Variants in XIRP2 observed in about 807,000 individuals in gnomAD.
The protein encoded by XIRP2 is xin actin-binding repeat-containing protein 2.
XIRP2 carries 236 observed loss-of-function variants against 277.0 expected under a neutral mutation model. The ratio of observed to expected loss-of-function variants is 0.85; its 90% CI spans 0.77 to 0.95. XIRP2 has a LOEUF of 0.95. XIRP2 is among the 40% of genes least tolerant of loss of function. The probability of loss-of-function intolerance (pLI) is 0.00; values close to 1 mark genes in which losing one functional copy is unlikely to be tolerated. For missense variants in XIRP2, 4,640 were observed against 4,157.5 expected (o/e 1.12, Z -3.19); for synonymous variants, 1,490 against 1,416.5 (o/e 1.05, Z -1.17).
intron 2 of XIRP2, among the ~76,000 whole-genome samples, chr2:167,029,268 G>A (rs570838226): frequency 1.2e-4 from 19 of 152,154 alleles, no homozygotes; most frequent in African/African-American, 4.1e-4. Flanking sequence ...GTGAGAGAGG[G>A]CATCCTTGTC....
intron 2 of XIRP2, among the ~76,000 whole-genome samples, chr2:166,958,502 C>G (rs552494537): frequency 4.0e-5 from 6 of 151,744 alleles, no homozygotes; most frequent in African/African-American, 1.4e-4. Context: ...GCCCTAGTAC[C>G]CACATTCCAA....
chr2:167,096,835 T>A (rs950577124), intron 2 of XIRP2, among the ~76,000 whole-genome samples: 1 of 152,168 alleles, frequency 6.6e-6, no homozygotes, highest in Non-Finnish European at 1.5e-5. Context: ...GTTGTTGAGT[T>A]TCCATGTAGT....
chr2:167,050,977 C>G (rs1688899072), intron 2 of XIRP2, among the ~76,000 whole-genome samples: 1 of 151,952 alleles, frequency 6.6e-6, no homozygotes, highest in South Asian at 2.1e-4. Flanking sequence ...AAGCTTTTAC[C>G]TGGACTAAAT....
intron 3 of XIRP2, among the ~76,000 whole-genome samples, chr2:167,170,836 T>C (rs976927493): frequency 5.3e-5 from 8 of 151,906 alleles, no homozygotes; most frequent in African/African-American, 1.9e-4. Flanking sequence ...TTGCTTTCAC[T>C]TTATTTTACT....
chr2:166,920,616 C>A (rs1685012001), intron 2 of XIRP2, among the ~76,000 whole-genome samples: 2 of 152,078 alleles, frequency 1.3e-5, no homozygotes, highest in Admixed American at 1.3e-4. Context: ...CTTACAGGTA[C>A]ATAAAATACT....
chr2:167,008,942 A>C (rs1297856585), intron 2 of XIRP2, among the ~76,000 whole-genome samples: 1 of 151,496 alleles, frequency 6.6e-6, no homozygotes, highest in African/African-American at 2.4e-5. Flanking sequence ...ATTTTATTCA[A>C]TTTTTCAAAT....
At chr2:166,978,313 G>C (rs1018049101) in intron 2 of XIRP2, among the ~76,000 whole-genome samples, 1 of 152,100 alleles carries the variant, frequency 6.6e-6, no homozygotes, top group Non-Finnish European at 1.5e-5. Context: ...GCATTATAAA[G>C]CCTCAGACAT....
At chr2:167,104,845 C>T (rs575897701) in intron 2 of XIRP2, among the ~76,000 whole-genome samples, 23 of 152,086 alleles carry the variant, frequency 1.5e-4, no homozygotes, top group Admixed American at 1.0e-3. Context: ...CTTGATTATT[C>T]ACAATATCTG....
chr2:167,093,202 A>C (rs1480689686), intron 2 of XIRP2, among the ~76,000 whole-genome samples: 2 of 151,838 alleles, frequency 1.3e-5, no homozygotes, highest in African/African-American at 4.8e-5. Context: ...ATTGAGGTCT[A>C]TAATATTAAG....
chr2:167,149,364 T>A (rs1691948213), intron 3 of XIRP2, among the ~76,000 whole-genome samples: 2 of 152,200 alleles, frequency 1.3e-5, no homozygotes, highest in South Asian at 4.1e-4. Context: ...GAGCTCACAA[T>A]CAAAAATCAC....
chr2:167,243,902 A>T lies in XIRP2; in HGVS notation c.2510A>T (p.Asp837Val), dbSNP rs770528393. The change falls in exon 9 of 11, where the codon GAT becomes GTT. Residue 837 changes from aspartate to valine, a missense_variant. Coordinates refer to ENST00000409195, the MANE Select transcript of XIRP2 (RefSeq NM_152381.6). ...GAAAAGGAAAAAATAATAGGTACAG[A>T]TGTCTCCAGAAAGTGTTGGATGTTT... is the stretch of plus-strand genomic sequence containing the variant. ...IIEKEKIIGT[D>V]VSRKCWMFET... 2.5e-6 allele frequency: 4 copies of T among 1,614,070 alleles called. No homozygotes were observed. The highest frequency in any genetic ancestry group is 2.5e-6 in the Non-Finnish European group (3 of 1,179,948).
chr2:166,951,623 A>T (rs1558928014), intron 2 of XIRP2, among the ~76,000 whole-genome samples: 1 of 151,746 alleles, frequency 6.6e-6, no homozygotes, highest in African/African-American at 2.4e-5. Flanking sequence ...TGCATTGAAT[A>T]TTTTTTTTGA....
chr2:166,936,257 T>C (rs1685497526), intron 2 of XIRP2, among the ~76,000 whole-genome samples: 1 of 152,158 alleles, frequency 6.6e-6, no homozygotes, highest in Admixed American at 6.5e-5. Flanking sequence ...TTTGATGGGG[T>C]TGTTTGTTTT....
intron 9 of XIRP2, among the ~76,000 whole-genome samples, chr2:167,253,002 G>A (rs1022042840): frequency 2.0e-5 from 3 of 151,820 alleles, no homozygotes; most frequent in African/African-American, 7.2e-5. Flanking sequence ...AGAAACTTGT[G>A]ATAAACATAA....
chr2:166,931,742 T>G (rs1480124370), intron 2 of XIRP2, among the ~76,000 whole-genome samples: 1 of 152,188 alleles, frequency 6.6e-6, no homozygotes, highest in East Asian at 1.9e-4. Flanking sequence ...CTATGAATAT[T>G]TTTACACATG....
chr2:167,040,731 T>A (rs1157897542), intron 2 of XIRP2, among the ~76,000 whole-genome samples: 1 of 152,170 alleles, frequency 6.6e-6, no homozygotes, highest in Non-Finnish European at 1.5e-5. Flanking sequence ...CCAGGGTCCC[T>A]GTCTGGCTAT....
chr2:166,960,093 CAATA>C (rs982527721), intron 2 of XIRP2, among the ~76,000 whole-genome samples: 1 of 151,706 alleles, frequency 6.6e-6, no homozygotes, highest in Non-Finnish European at 1.5e-5. Flanking sequence ...ATGTTATTAA[CAATA>C]AACTCCATTT....
chr2:167,063,703 G>A (rs1172595566), intron 2 of XIRP2, among the ~76,000 whole-genome samples: 1 of 151,380 alleles, frequency 6.6e-6, no homozygotes, highest in African/African-American at 2.4e-5. Flanking sequence ...GTAATACTTT[G>A]TTTTAAAATT....
Position 167,249,170 on chromosome 2 carries a change from A to C in XIRP2, c.7778A>C (p.Asn2593Thr). ...VEKEMPLQKT[N>T]EEVSLSGIDS... ...AAGGAAATGCCATTACAAAAAACCA[A>C]TGAGGAGGTTTCCCTATCTGGAATT... is the stretch of plus-strand genomic sequence containing the variant. The change falls in exon 9 of 11, where the codon AAT becomes ACT. Residue 2593 changes from asparagine to threonine, a missense_variant. Transcript: ENST00000409195. 1 of 1,613,752 alleles carries C rather than the reference A, an allele frequency of 6.2e-7. No homozygotes were observed. Among genetic ancestry groups the C allele is most frequent in the Non-Finnish European group, 8.5e-7 (1 of 1,179,808 alleles).
Sources: allele counts gnomAD v4.1 joint callset (sites outside exome capture counted in the v4.1 genomes callset), GRCh38; gene constraint gnomAD v4.1.1; transcripts MANE v1.5; gene names NCBI Gene and HGNC (gene_info 2026-07-23, HGNC 2026-07-21).